The following DPP6 variants were observed in gnomAD, a reference collection of about 807,000 sequenced individuals.
The protein encoded by DPP6 is dipeptidyl peptidase like 6.
A neutral mutation model predicts 122.6 loss-of-function variants in DPP6; 69 were observed. The ratio of observed to expected loss-of-function variants is 0.56; its 90% CI spans 0.46 to 0.69. DPP6 has a LOEUF of 0.69. DPP6 is among the 30% of genes least tolerant of loss of function. DPP6 has a pLI of 0.00. For missense variants in DPP6, 928 were observed against 1,116.9 expected (o/e 0.83, Z 2.41); for synonymous variants, 418 against 433.1 (o/e 0.97, Z 0.43).
chr7:153,903,310 C>T (rs1713413782), intron 1 of DPP6, among the ~76,000 whole-genome samples: 1 of 152,122 alleles, frequency 6.6e-6, no homozygotes, highest in Non-Finnish European at 1.5e-5. Context: ...GGTGATCAGG[C>T]CTGAAAAGCC....
At chr7:154,857,953 T>G (rs1322896229) in intron 17 of DPP6, among the ~76,000 whole-genome samples, 1 of 152,172 alleles carries the variant, frequency 6.6e-6, no homozygotes, top group Non-Finnish European at 1.5e-5. Context: ...TCCCTGCAGA[T>G]GCCTGTTTCA....
chr7:154,339,143 A>G (rs182043608), intron 1 of DPP6, among the ~76,000 whole-genome samples: 1 of 152,288 alleles, frequency 6.6e-6, no homozygotes, highest in Admixed American at 6.5e-5. Flanking sequence ...ATCAACATTC[A>G]TAGACTGTAG....
intron 1 of DPP6, among the ~76,000 whole-genome samples, chr7:154,158,885 G>A (rs1458938878): frequency 2.0e-5 from 3 of 152,038 alleles, no homozygotes; most frequent in African/African-American, 4.8e-5. Flanking sequence ...GACACGGGTC[G>A]GGAGGAGGAG....
At chr7:154,706,201 G>A (rs1298841336) in intron 7 of DPP6, among the ~76,000 whole-genome samples, 4 of 152,078 alleles carry the variant, frequency 2.6e-5, no homozygotes, top group Admixed American at 6.5e-5. Flanking sequence ...TCCTCTCACC[G>A]CCTGCCTTGG....
chr7:154,310,037 CGG>C (rs1470501480), intron 1 of DPP6, among the ~76,000 whole-genome samples: 1 of 152,146 alleles, frequency 6.6e-6, no homozygotes, highest in Non-Finnish European at 1.5e-5. Flanking sequence ...CTTCCAGAGC[CGG>C]GAGACAGGAT....
At chr7:154,769,671 G>T (rs1796129746) in intron 9 of DPP6, 100 bp downstream of exon 9, 3 of 1,359,326 alleles carry the variant, frequency 2.2e-6, no homozygotes, top group Non-Finnish European at 2.9e-6. Flanking sequence ...ACATGTGTAT[G>T]AGCAAAGCAG....
intron 5 of DPP6, among the ~76,000 whole-genome samples, chr7:154,569,230 G>A (rs1830960134): frequency 6.6e-6 from 1 of 151,932 alleles, no homozygotes; most frequent in Non-Finnish European, 1.5e-5. Flanking sequence ...GAAGAGTCTA[G>A]GTCTGTGATT....
chr7:154,794,336 C>T, intron 11 of DPP6, 134 bp downstream of exon 11: 1 of 1,369,610 alleles, frequency 7.3e-7, no homozygotes. Context: ...TGCGGGGAGC[C>T]CGCGGCGCAG....
chr7:154,436,772 T>C (rs560835275), intron 1 of DPP6, among the ~76,000 whole-genome samples: 1 of 152,238 alleles, frequency 6.6e-6, no homozygotes, highest in South Asian at 2.1e-4. Flanking sequence ...AGTGGCAACT[T>C]CTCTCTCCCC....
At position 154,076,809 on chromosome 7, in the gene DPP6, A is replaced by G. The variant is rs2626778; in HGVS notation, c.243+23746A>G. On this transcript the variant is annotated intron_variant, in intron 1 of 25. Transcript: ENST00000377770. Reference sequence around the variant, plus strand: ...TGACAAGGTGTACCCTCAGTCTCCAATGCTTAATAAATGCCTTGTAAACTG... The same window carrying G: ...TGACAAGGTGTACCCTCAGTCTCCAGTGCTTAATAAATGCCTTGTAAACTG... Among the ~76,000 whole-genome samples, 14 of 152,194 alleles carry G rather than the reference A, an allele frequency of 9.2e-5. No homozygotes were observed. In the South Asian group the frequency reaches 1.7e-3, roughly 18 times the overall value.
chr7:154,029,343 C>T (rs545062628), intron 1 of DPP6, among the ~76,000 whole-genome samples: 26 of 141,142 alleles, frequency 1.8e-4, no homozygotes, highest in Middle Eastern at 3.8e-3. Flanking sequence ...GGTGAAACCC[C>T]GTCTCTACTA....
chr7:154,199,398 C>CTAA (rs1799047912), intron 1 of DPP6, among the ~76,000 whole-genome samples: 1 of 152,104 alleles, frequency 6.6e-6, no homozygotes, highest in African/African-American at 2.4e-5. Context: ...TCCACTATTC[C>CTAA]CTAGTAACTA....
the DPP6 span, among the ~76,000 whole-genome samples, chr7:153,784,366 G>C: frequency 6.6e-6 from 1 of 152,156 alleles, no homozygotes. Context: ...AAATGATAAA[G>C]AATATTATTT....
At chr7:153,870,504 G>A in the DPP6 span, among the ~76,000 whole-genome samples, 4 of 152,134 alleles carry the variant, frequency 2.6e-5, no homozygotes, top group South Asian at 2.1e-4. Context: ...AGCTCCATCA[G>A]GTCCTTTAAG....
At chr7:153,834,305 C>G in the DPP6 span, among the ~76,000 whole-genome samples, 1 of 151,796 alleles carries the variant, frequency 6.6e-6, no homozygotes, top group Non-Finnish European at 1.5e-5. Context: ...TACATCCCAT[C>G]TCCTCCTAGG....
intron 1 of DPP6, among the ~76,000 whole-genome samples, chr7:154,017,010 G>A (rs1563103573): frequency 6.6e-6 from 1 of 152,202 alleles, no homozygotes; most frequent in Admixed American, 6.5e-5. Context: ...GGGTACAAAC[G>A]TGCAGTTAGA....
upstream of DPP6, among the ~76,000 whole-genome samples, chr7:154,051,558 G>GC (rs368861125): frequency 0.17 from 23,854 of 142,066 alleles, 2,455 homozygotes; most frequent in African/African-American, 0.28. Flanking sequence ...TGGGCAGGAG[G>GC]CAAGCCCGAG....
intron 3 of DPP6, among the ~76,000 whole-genome samples, chr7:154,497,574 A>C (rs1465916271): frequency 6.6e-6 from 1 of 151,578 alleles, no homozygotes; most frequent in East Asian, 1.9e-4. Context: ...AAACCACTGC[A>C]CTCCAGCCTG....
At chr7:154,420,985 T>A (rs1817422660) in intron 1 of DPP6, among the ~76,000 whole-genome samples, 4 of 152,022 alleles carry the variant, frequency 2.6e-5, no homozygotes, top group Non-Finnish European at 5.9e-5. Flanking sequence ...AATAAAACTT[T>A]AAAAAATAAA....
Sources: gnomAD v4.1 joint callset for allele counts (sites outside exome capture counted in the v4.1 genomes callset) on GRCh38, gnomAD v4.1.1 for gene constraint, MANE v1.5 for transcripts, NCBI Gene and HGNC (gene_info 2026-07-23, HGNC 2026-07-21) for gene names.